The following PLCG2 variants were observed in gnomAD, a reference collection of about 807,000 sequenced individuals.
PLCG2 encodes phospholipase C gamma 2.
Under a neutral mutation model 175.6 loss-of-function variants are expected in PLCG2, and 69 were observed. The ratio of observed to expected loss-of-function variants is 0.39; its 90% CI spans 0.32 to 0.48. PLCG2 has a LOEUF of 0.48. PLCG2 is among the 20% of genes least tolerant of loss of function. The pLI, the probability that PLCG2 is intolerant of heterozygous loss-of-function variation, is 0.91. For synonymous variants in PLCG2, 827 were observed against 624.0 expected (o/e 1.33, Z -4.85); for missense variants, 1,798 against 1,650.9 (o/e 1.09, Z -1.54).
At chr16:81,935,751 G>C (rs904578705) in intron 26 of PLCG2, 1 of 985,314 alleles carries the variant, frequency 1.0e-6, no homozygotes. Context: ...AACCCTACCT[G>C]TGGGCTTTGG....
At chr16:81,774,605 T>C (rs1283447462), upstream of PLCG2, among the ~76,000 whole-genome samples, 1 of 151,830 alleles carries the variant, frequency 6.6e-6, no homozygotes, top group Admixed American at 6.6e-5. Flanking sequence ...TTTCTGGTCA[T>C]TTTGGCTGTG....
chr16:81,754,771 A>T, intron 1 of PLCG2, among the ~76,000 whole-genome samples: 1 of 152,010 alleles, frequency 6.6e-6, no homozygotes, highest in East Asian at 2.0e-4. Context: ...CTGCTCTGGG[A>T]TATTTAATAA....
chr16:81,940,004 C>T lies in PLCG2; in HGVS notation c.3426C>T (p.Phe1142=), dbSNP rs776616917. Reference sequence around the variant, plus strand: ...TTGTGGTTTATGAAGAAGATATGTTCAGCGATCCCAACTTTCTTGCTCATG... The same window carrying T: ...TTGTGGTTTATGAAGAAGATATGTTTAGCGATCCCAACTTTCTTGCTCATG... The part of the protein sequence containing the change: ...LRFVVYEEDM[F]SDPNFLAHAT... The change falls in exon 30 of 33, where the codon TTC becomes TTT. Residue 1142 remains phenylalanine, a synonymous_variant. Transcript: ENST00000564138. 2.5e-6 allele frequency: 4 copies of T among 1,614,068 alleles called. No individual in the cohort carries two copies. Among genetic ancestry groups the T allele is most frequent in the Non-Finnish European group, 3.4e-6 (4 of 1,179,908 alleles).
chr16:81,742,891 C>T (rs191428826), intron 1 of PLCG2, among the ~76,000 whole-genome samples: 104 of 152,322 alleles, frequency 6.8e-4, no homozygotes, highest in African/African-American at 2.2e-3. Context: ...TTCTTCCAGA[C>T]GTGTGAAGAG....
intron 2 of PLCG2, chr16:81,798,917 C>G (rs139158169): frequency 6.6e-6 from 1 of 152,424 alleles, no homozygotes; most frequent in Non-Finnish European, 1.5e-5. Flanking sequence ...CCCAGCACTA[C>G]CAGCCACTCC....
rs765581772 is a variant in PLCG2 at position 81,908,499 on chromosome 16, G to A, written c.1641G>A (p.Leu547=). The change falls in exon 17 of 33, where the codon CTG becomes CTA. Residue 547 remains leucine (L), a synonymous_variant. Transcript: ENST00000564138. ...AGAGGACGAGTGCCGAGAAGTTGCT[G>A]CAGGAATACTGCATGGAGACGGGGG... ...VEKRTSAEKL[L]QEYCMETGGK... 1.2e-6 allele frequency: 2 copies of A among 1,614,018 alleles called. No homozygotes were observed. Among genetic ancestry groups the A allele is most frequent in the African/African-American group, 2.7e-5 (2 of 74,938 alleles).
At position 81,900,724 on chromosome 16, in the gene PLCG2, G is replaced by A. The variant is rs1225918799; in HGVS notation, c.1306G>A (p.Ala436Thr). The A allele has an allele frequency of 1.9e-6, 3 of 1,612,902 alleles. No homozygotes were observed. The highest frequency in any genetic ancestry group is 2.5e-6 in the Non-Finnish European group (3 of 1,179,066). The change falls in exon 14 of 33, where the codon GCC (alanine) becomes ACC (threonine). Residue 436 changes from alanine to threonine, a missense_variant. Transcript: ENST00000564138. ...GDLLLTKPTE[A>T]SADQLPSPSQ... Reference sequence around the variant, plus strand: ...CCTGCTGTTGACGAAGCCCACGGAGGCCAGTGCTGACCAGCTGCCCTCGCC... The same window carrying A: ...CCTGCTGTTGACGAAGCCCACGGAGACCAGTGCTGACCAGCTGCCCTCGCC...
chr16:81,956,495 A>G (rs189462172), intron 31 of PLCG2, among the ~76,000 whole-genome samples, 200 bp from the exon 32 acceptor site: 47 of 152,310 alleles, frequency 3.1e-4, no homozygotes, highest in Admixed American at 3.0e-3. Context: ...AGCACTTTTT[A>G]AACTGCTTGC....
intron 27 of PLCG2, 85 bp downstream of exon 27, chr16:81,936,463 C>A: frequency 1.9e-6 from 2 of 1,029,060 alleles, no homozygotes; most frequent in South Asian, 2.6e-5. Context: ...TCAGCGATAC[C>A]ATGTGGTGTC....
intron 14 of PLCG2, among the ~76,000 whole-genome samples, chr16:81,904,574 G>A (rs1346056070): frequency 3.3e-5 from 5 of 152,128 alleles, no homozygotes; most frequent in Non-Finnish European, 7.4e-5. Flanking sequence ...TGGGTCCCCC[G>A]CCACCCTGCC....
At chr16:81,787,839 T>G (rs577517430) in intron 2 of PLCG2, among the ~76,000 whole-genome samples, 12 of 152,320 alleles carry the variant, frequency 7.9e-5, no homozygotes, top group African/African-American at 2.9e-4. Flanking sequence ...TGTGGGCTTT[T>G]GTGACTGGCT....
chr16:81,776,543 G>T (rs1271171361), upstream of PLCG2, among the ~76,000 whole-genome samples: 1 of 152,080 alleles, frequency 6.6e-6, no homozygotes, highest in Non-Finnish European at 1.5e-5. Flanking sequence ...AGCGCCTGCC[G>T]CCTTGATGAT....
At chr16:81,859,953 C>G (rs761312604) in intron 5 of PLCG2, among the ~76,000 whole-genome samples, 3 of 152,042 alleles carry the variant, frequency 2.0e-5, no homozygotes, top group Non-Finnish European at 4.4e-5. Flanking sequence ...CAGTCCTGCA[C>G]AAAGCTCTAT....
intron 11 of PLCG2, among the ~76,000 whole-genome samples, chr16:81,893,299 T>C (rs1434900037): frequency 6.6e-6 from 1 of 152,238 alleles, no homozygotes; most frequent in African/African-American, 2.4e-5. Context: ...ATCTGTTCTG[T>C]GCCTGGCCTC....
intron 2 of PLCG2, among the ~76,000 whole-genome samples, chr16:81,796,084 G>A (rs1292143555): frequency 6.6e-6 from 1 of 152,228 alleles, no homozygotes; most frequent in East Asian, 1.9e-4. Context: ...AGTCTTGTAG[G>A]AATCCAGGAG....
intron 17 of PLCG2, among the ~76,000 whole-genome samples, chr16:81,910,089 G>C (rs1429847455): frequency 6.6e-6 from 1 of 151,780 alleles, no homozygotes; most frequent in African/African-American, 2.4e-5. Flanking sequence ...CCTGCATCTG[G>C]TTTTGTTGTT....
intron 2 of PLCG2, among the ~76,000 whole-genome samples, chr16:81,819,273 A>G (rs1462603805): frequency 6.6e-6 from 1 of 152,206 alleles, no homozygotes; most frequent in Non-Finnish European, 1.5e-5. Flanking sequence ...GGGCAGAGTC[A>G]GGACATCCTG....
intron 7 of PLCG2, among the ~76,000 whole-genome samples, chr16:81,875,062 C>G (rs1350575761): frequency 6.8e-6 from 1 of 147,342 alleles, no homozygotes; most frequent in Non-Finnish European, 1.5e-5. Context: ...CTTCCGGGTT[C>G]AAGCGATTCT....
At chr16:81,848,373 G>T (rs555263865) in intron 2 of PLCG2, among the ~76,000 whole-genome samples, 1 of 152,300 alleles carries the variant, frequency 6.6e-6, no homozygotes, top group East Asian at 1.9e-4. Flanking sequence ...GCTTCCAAAG[G>T]GTGCTTGTTT....
Sources: allele counts gnomAD v4.1 joint callset (sites outside exome capture counted in the v4.1 genomes callset), GRCh38; gene constraint gnomAD v4.1.1; transcripts MANE v1.5; gene names NCBI Gene and HGNC (gene_info 2026-07-23, HGNC 2026-07-21).